The following MAML3 variants were observed in gnomAD, a reference collection of about 807,000 sequenced individuals.
MAML3 encodes the protein mastermind-like protein 3.
A neutral mutation model predicts 101.9 loss-of-function variants in MAML3; 27 were observed. That is an observed-to-expected ratio of 0.27 (90% CI 0.20 to 0.37). The LOEUF is 0.37. Among genes scored for constraint, MAML3 ranks in the 10% least tolerant of loss-of-function variants. The pLI, the probability that MAML3 is intolerant of heterozygous loss-of-function variation, is 1.00. For missense variants in MAML3, 1,316 were observed against 1,444.9 expected (o/e 0.91, Z 1.45); for synonymous variants, 501 against 555.9 (o/e 0.90, Z 1.39).
intron 2 of MAML3, among the ~76,000 whole-genome samples, chr4:139,740,935 T>C (rs1729145734): frequency 6.6e-6 from 1 of 152,190 alleles, no homozygotes; most frequent in South Asian, 2.1e-4. Flanking sequence ...ATGTTCTTCC[T>C]TCCTTCCTTC....
At chr4:139,884,675 C>T (rs950951923) in intron 2 of MAML3, among the ~76,000 whole-genome samples, 1 of 152,178 alleles carries the variant, frequency 6.6e-6, no homozygotes, top group African/African-American at 2.4e-5. Flanking sequence ...ACTGTTGTTC[C>T]GCTGGTTCAA....
chr4:140,001,066 T>C (rs1734915541), intron 1 of MAML3, among the ~76,000 whole-genome samples: 1 of 152,118 alleles, frequency 6.6e-6, no homozygotes, highest in South Asian at 2.1e-4. Flanking sequence ...GATTTGGCCT[T>C]TTTTTGCTTT....
intron 2 of MAML3, among the ~76,000 whole-genome samples, chr4:139,778,982 CA>C (rs67782985): frequency 0.023 from 2,349 of 100,608 alleles, 52 homozygotes; most frequent in African/African-American, 0.074. Context: ...GACTCCACCT[CA>C]AAAAAAAAAA....
At chr4:140,134,859 G>A (rs1728858446) in intron 1 of MAML3, among the ~76,000 whole-genome samples, 1 of 152,130 alleles carries the variant, frequency 6.6e-6, no homozygotes, top group Admixed American at 6.5e-5. Flanking sequence ...TCTCAGGCAC[G>A]AATCACAATG....
intron 2 of MAML3, among the ~76,000 whole-genome samples, chr4:139,874,899 G>A (rs1732080175): frequency 6.6e-6 from 1 of 151,454 alleles, no homozygotes; most frequent in Non-Finnish European, 1.5e-5. Flanking sequence ...CTCCTCCTGG[G>A]TTCACGCCAT....
chr4:139,794,390 A>G (rs968014623), intron 2 of MAML3: 4 of 152,196 alleles, frequency 2.6e-5, no homozygotes, highest in Non-Finnish European at 5.9e-5. Flanking sequence ...AACCCAGGCC[A>G]TCAGTGGGGT....
intron 1 of MAML3, among the ~76,000 whole-genome samples, chr4:140,065,742 T>A (rs1727525109): frequency 6.6e-6 from 1 of 152,178 alleles, no homozygotes; most frequent in Non-Finnish European, 1.5e-5. Flanking sequence ...AACTCATGAA[T>A]ATCAAAAGCT....
rs912921619 is a variant in MAML3, at chr4:139,978,366, G to A, written c.469-87399C>T. On this transcript the variant is annotated intron_variant, in intron 1 of 4. Transcript: ENST00000509479. ...GCAGATCTATCCCAAGGCCCAGATT[G>A]CATTAGCCAAGACCTCTCCAGGAAG... Among the ~76,000 whole-genome samples, 20 of 152,224 alleles carry A rather than the reference G, an allele frequency of 1.3e-4. 1 individual carries two copies. The highest frequency in any genetic ancestry group is 4.4e-5 in the Non-Finnish European group (3 of 68,016).
chr4:140,092,087 C>CAT (rs1578680321), intron 1 of MAML3, among the ~76,000 whole-genome samples: 15 of 51,694 alleles, frequency 2.9e-4, no homozygotes, highest in Admixed American at 2.3e-3. Context: ...TATATATATA[C>CAT]GTATATATAT....
At chr4:140,000,653 G>A (rs561973458) in intron 1 of MAML3, among the ~76,000 whole-genome samples, 1 of 152,164 alleles carries the variant, frequency 6.6e-6, no homozygotes, top group Non-Finnish European at 1.5e-5. Context: ...AAGAAGAATG[G>A]CGGTGGGGAA....
chr4:139,928,020 A>G (rs1733300433), intron 1 of MAML3, among the ~76,000 whole-genome samples: 1 of 152,176 alleles, frequency 6.6e-6, no homozygotes, highest in Non-Finnish European at 1.5e-5. Context: ...TGTGTATGCT[A>G]ACCCATTTAT....
chr4:139,736,458 G>A (rs1315231733), intron 2 of MAML3, among the ~76,000 whole-genome samples: 1 of 152,174 alleles, frequency 6.6e-6, no homozygotes, highest in African/African-American at 2.4e-5. Context: ...ACTCCCAGAG[G>A]TTCAGGCAAG....
At chr4:139,837,965 A>G (rs1731288009) in intron 2 of MAML3, among the ~76,000 whole-genome samples, 1 of 152,080 alleles carries the variant, frequency 6.6e-6, no homozygotes, top group Admixed American at 6.6e-5. Flanking sequence ...TTATATGGAT[A>G]ATGAAAATCT....
chr4:139,912,160 AT>A (rs1732937266), intron 1 of MAML3, among the ~76,000 whole-genome samples: 1 of 152,190 alleles, frequency 6.6e-6, no homozygotes, highest in Non-Finnish European at 1.5e-5. Flanking sequence ...ATCATTTTAC[AT>A]TCCCATAGAG....
Position 139,889,676 on chromosome 4 carries a change from G to T in MAML3, c.1760C>A (p.Thr587Lys). Reference sequence around the variant, plus strand: ...ATTGTGCTGTTTGTTTAAGGAGTTTGTACCCAAGTTATTTGGCTGCTGATT... The same window carrying T: ...ATTGTGCTGTTTGTTTAAGGAGTTTTTACCCAAGTTATTTGGCTGCTGATT... ...MINQQPNNLG[T>K]NSLNKQHNIL... Residue 587 changes from threonine to lysine, a missense_variant, in exon 2 of 5, where the codon ACA (threonine) becomes AAA (lysine). Coordinates refer to ENST00000509479, the MANE Select transcript of MAML3 (RefSeq NM_018717.5). 6.2e-7 allele frequency: 1 copy of T among 1,613,998 alleles called. No homozygotes were observed.
intron 2 of MAML3, chr4:139,794,015 C>CGACT (rs1730467442): frequency 6.6e-6 from 1 of 152,192 alleles, no homozygotes; most frequent in Non-Finnish European, 1.5e-5. Context: ...ACCTAAGGAA[C>CGACT]AGTCCTACAT....
At chr4:139,853,836 T>G (rs1177502278) in intron 2 of MAML3, among the ~76,000 whole-genome samples, 1 of 152,012 alleles carries the variant, frequency 6.6e-6, no homozygotes, top group African/African-American at 2.4e-5. Context: ...TTTATTTTTT[T>G]TTTGAGATGG....
At chr4:140,067,206 T>G (rs1020436921) in intron 1 of MAML3, among the ~76,000 whole-genome samples, 5 of 150,428 alleles carry the variant, frequency 3.3e-5, no homozygotes, top group Non-Finnish European at 7.4e-5. Flanking sequence ...TAGGGGTGTG[T>G]GTGTGTGTGT....
intron 1 of MAML3, among the ~76,000 whole-genome samples, chr4:139,902,287 AC>A (rs1228648814): frequency 6.6e-6 from 1 of 151,478 alleles, no homozygotes; most frequent in Non-Finnish European, 1.5e-5. Flanking sequence ...ACACACACAC[AC>A]ACGTCTCAAT....
Sources: allele counts gnomAD v4.1 joint callset (sites outside exome capture counted in the v4.1 genomes callset), GRCh38; gene constraint gnomAD v4.1.1; transcripts MANE v1.5; gene names NCBI Gene and HGNC (gene_info 2026-07-23, HGNC 2026-07-21).